ACTN3: variants seen among roughly 807,000 people sequenced by gnomAD.
ACTN3 encodes actinin alpha 3, also known as alpha-actinin-3.
A neutral mutation model predicts 119.6 loss-of-function variants in ACTN3; 91 were observed. The ratio of observed to expected loss-of-function variants is 0.76; its 90% CI spans 0.64 to 0.91. The LOEUF is 0.91. Ranked by LOEUF, ACTN3 falls within the 40% of genes least tolerant of loss-of-function variation. The probability of loss-of-function intolerance (pLI) is 0.00; values close to 1 mark genes in which losing one functional copy is unlikely to be tolerated. For synonymous variants in ACTN3, 456 were observed against 478.8 expected, an observed-to-expected ratio of 0.95 and a Z score of 0.62; for missense variants, 1,221 against 1,215.1, an observed-to-expected ratio of 1.00 and a Z score of -0.07.
Position 66,559,355 on chromosome 11 carries a change from G to A in ACTN3, c.1396G>A (p.Glu466Lys). ...CCTGGCGGCGCACCAGGACCGCGTG[G>A]AGCACATTGCCGCGCTGGCCCAGGA... ...SDLAAHQDRV[E>K]HIAALAQELN... Residue 466 changes from glutamate to lysine, a missense_variant, in exon 12 of 21, where the codon GAG becomes AAG. Physicochemically the swap from Glu to Lys is moderately conservative, Grantham distance 56 (BLOSUM62 1). Transcript: ENST00000513398. 6.4e-7 allele frequency: 1 copy of A among 1,566,084 alleles called. No homozygotes were observed. Among genetic ancestry groups the A allele is most frequent in the Non-Finnish European group, 8.6e-7 (1 of 1,160,458 alleles).
Position 66,558,525 on chromosome 11 carries a change from G to A in ACTN3, c.1276+351G>A, listed in dbSNP as rs1044504050. Among the ~76,000 whole-genome samples, 8 of 152,134 alleles carry A rather than the reference G, an allele frequency of 5.3e-5. No individual in the cohort carries two copies. The East Asian group carries it at 7.7e-4, about 15-fold the overall frequency. On this transcript the variant is annotated intron_variant, in intron 11 of 20. Coordinates refer to ENST00000513398, the MANE Select transcript of ACTN3 (RefSeq NM_001104.4). ...TGGGACCACAGGCGTGCACCACCACGCCCAGTAACTTTTTGTACTTTTTGT... is the reference window on the plus strand; with the variant it reads ...TGGGACCACAGGCGTGCACCACCACACCCAGTAACTTTTTGTACTTTTTGT...
Position 66,562,853 on chromosome 11 carries a change from G to T in ACTN3, c.2446G>T (p.Val816Leu). The change falls in exon 20 of 21, where the codon GTG becomes TTG. Residue 816 changes from valine (V) to leucine (L), a missense_variant. Physicochemically the swap from Val to Leu is conservative, Grantham distance 32. This residue lies in a region of ACTN3 where 934 missense variants were observed against 899.9 expected (regional missense o/e 1.04). Transcript: ENST00000513398. ...GGTGGACCCCAACGCAGCTGGGGTG[G>T]TGACCTTCCAGGCCTTCATAGACTT... ...TMVDPNAAGVVTFQAFIDFMT... is the reference protein window; with the variant it reads ...TMVDPNAAGVLTFQAFIDFMT... The T allele has an allele frequency of 6.2e-7, 1 of 1,613,864 alleles. No homozygotes were observed.
upstream of ACTN3, chr11:66,546,886 CCCGGGTGT>C: frequency 1.3e-6 from 2 of 1,513,646 alleles, no homozygotes; most frequent in Non-Finnish European, 1.8e-6. Flanking sequence ...CTTAATGGGG[CCCGGGTGT>C]CCGAGAGCGT....
At position 66,551,546 on chromosome 11, in the gene ACTN3, C is replaced by A. The variant is rs1407865191; in HGVS notation, c.281C>A (p.Pro94Gln). The change falls in exon 3 of 21, where the codon CCA becomes CAA. Residue 94 changes from proline (P) to glutamine (Q), a missense_variant. Pro to Gln is a moderately conservative substitution (Grantham distance 76). Transcript: ENST00000513398. Reference protein sequence around the residue: ...EVISGERLPRPDKGKMRFHKI... With the variant: ...EVISGERLPRQDKGKMRFHKI... ...AACCCAGGTGAGAGGCTGCCTAGGC[C>A]AGATAAAGGCAAGATGCGCTTCCAC... 6.2e-7 allele frequency: 1 copy of A among 1,613,974 alleles called. No homozygotes were observed. The highest frequency in any genetic ancestry group is 1.1e-5 in the South Asian group (1 of 91,052).
upstream of ACTN3, chr11:66,546,725 C>T (rs763277506): frequency 7.2e-5 from 111 of 1,535,360 alleles, no homozygotes; most frequent in South Asian, 6.8e-4. Context: ...ATCTCCGCCG[C>T]GAGATCCACC....
chr11:66,562,887 G>A lies in ACTN3; in HGVS notation c.2480G>A (p.Arg827Gln), dbSNP rs796903074. Residue 827 changes from arginine (R) to glutamine (Q), a missense_variant, in exon 20 of 21, where the codon CGA (arginine) becomes CAA (glutamine). By Grantham distance (43) the Arg-to-Gln change is conservative. Coordinates refer to ENST00000513398, the MANE Select transcript of ACTN3 (RefSeq NM_001104.4). ...CAGGCCTTCATAGACTTCATGACCC[G>A]AGAGACAGCCGAGACTGACACGACT... ...TFQAFIDFMTRETAETDTTEQ... is the reference protein window; with the variant it reads ...TFQAFIDFMTQETAETDTTEQ... 9 of 1,613,788 alleles carry A rather than the reference G, an allele frequency of 5.6e-6. No homozygotes were observed. The highest frequency in any genetic ancestry group is 1.1e-5 in the South Asian group (1 of 91,074).
chr11:66,551,187 C>T lies in ACTN3; in HGVS notation c.148-52C>T, dbSNP rs564702429. 74 of 1,349,764 alleles carry T rather than the reference C, an allele frequency of 5.5e-5. 2 individuals carry two copies. In the South Asian group the frequency reaches 8.9e-4, roughly 16 times the overall value. 83.6% of individuals were successfully genotyped at this position (1,349,764 alleles called of 1,614,324 possible). A position where few individuals can be genotyped will look rare whatever the true frequency, so the allele number is the denominator to read the frequency against. On this transcript the variant is annotated intron_variant, in intron 1 of 20. Coordinates refer to ENST00000513398, the MANE Select transcript of ACTN3 (RefSeq NM_001104.4). ...CTGACTGAGGAGACAGGACTGTGCC[C>T]TACATCCCCCAGAGCCAGTCGTAGG...
intron 3 of ACTN3, among the ~76,000 whole-genome samples, 192 bp from the exon 4 acceptor site, chr11:66,553,853 C>CA (rs11448724): frequency 0.34 from 27,973 of 81,166 alleles, 3,748 homozygotes; most frequent in Middle Eastern, 0.43. Flanking sequence ...GACTCCATCT[C>CA]AAAAAAAAAA....
rs1219696410 is a variant in ACTN3, at chr11:66,561,103, C to T, written c.1861-124C>T. On this transcript the variant is annotated intron_variant, in intron 15 of 20. Coordinates refer to ENST00000513398, the MANE Select transcript of ACTN3 (RefSeq NM_001104.4). ...TTAGTGACTTGCCCAAGAGCTTTCT[C>T]GTATATCCCAGACAAGTTGGCTCAA... 8 of 1,329,850 alleles carry T rather than the reference C, an allele frequency of 6.0e-6. No homozygotes were observed. In the African/African-American group the frequency reaches 8.9e-5, roughly 15 times the overall value. 82.4% of individuals were successfully genotyped at this position (1,329,850 alleles called of 1,614,324 possible).
At chr11:66,555,032 A>T in intron 5 of ACTN3, 98 bp from the exon 6 acceptor site, 1 of 1,075,370 alleles carries the variant, frequency 9.3e-7, no homozygotes, top group Non-Finnish European at 1.4e-6. Context: ...ACTCCATTTT[A>T]CAGATGAGGC....
chr11:66,549,158 G>A (rs957599071), intron 1 of ACTN3, among the ~76,000 whole-genome samples: 8 of 152,176 alleles, frequency 5.3e-5, no homozygotes, highest in Non-Finnish European at 2.9e-5. Flanking sequence ...GCAGTGCCCA[G>A]ATCCTTGTAG....
Position 66,562,240 on chromosome 11 carries a change from C to T in ACTN3, c.2323-17C>T. 6.2e-7 allele frequency: 1 copy of T among 1,613,822 alleles called. No individual in the cohort carries two copies. ...GGAGGCTGGAGACCAAGCCTGATAA[C>T]CACTCACCCCCTACAGAAGCAGAAT... is the stretch of plus-strand genomic sequence containing the variant. On this transcript the variant is annotated splice_polypyrimidine_tract_variant and intron_variant, in intron 18 of 20. Transcript: ENST00000513398.
chr11:66,550,266 C>A (rs1439085733), intron 1 of ACTN3, among the ~76,000 whole-genome samples: 1 of 152,196 alleles, frequency 6.6e-6, no homozygotes, highest in Non-Finnish European at 1.5e-5. Flanking sequence ...TTGGAGCCCA[C>A]CCTGACTCTA....
intron 1 of ACTN3, among the ~76,000 whole-genome samples, chr11:66,549,829 G>C (rs553598997): frequency 6.6e-6 from 1 of 151,404 alleles, no homozygotes; most frequent in Non-Finnish European, 1.5e-5. Flanking sequence ...TAGACTCCAG[G>C]GTTGGAGGGA....
chr11:66,559,084 T>C, intron 11 of ACTN3, 152 bp from the exon 12 acceptor site: 1 of 765,030 alleles, frequency 1.3e-6, no homozygotes, highest in Non-Finnish European at 1.9e-6. Flanking sequence ...TTCACCTACG[T>C]TATTACACCG....
At chr11:66,555,472 C>T in intron 7 of ACTN3, 105 bp downstream of exon 7, 6 of 1,087,046 alleles carry the variant, frequency 5.5e-6, no homozygotes, top group Non-Finnish European at 8.2e-6. Context: ...GATGCTCCGA[C>T]CACCCCCACC....
At chr11:66,550,279 A>G (rs560089742) in intron 1 of ACTN3, among the ~76,000 whole-genome samples, 1 of 152,246 alleles carries the variant, frequency 6.6e-6, no homozygotes, top group African/African-American at 2.4e-5. Flanking sequence ...TGACTCTACC[A>G]AGTAGTCTAT....
chr11:66,547,393 TA>T (rs1210280277), intron 1 of ACTN3, among the ~76,000 whole-genome samples: 2 of 150,750 alleles, frequency 1.3e-5, no homozygotes, highest in African/African-American at 5.0e-5. Flanking sequence ...AGATCCAAGT[TA>T]GGGGGGGTTC....
In ACTN3 at chr11:66,558,022, C is replaced by T; in HGVS notation, c.1129-5C>T. 3 of 1,613,842 alleles carry T rather than the reference C, an allele frequency of 1.9e-6. No homozygotes were observed. Among genetic ancestry groups the T allele is most frequent in the Non-Finnish European group, 2.5e-6 (3 of 1,179,850 alleles). On this transcript the variant is annotated splice_region_variant and splice_polypyrimidine_tract_variant and intron_variant, in intron 10 of 20. Coordinates refer to ENST00000513398, the MANE Select transcript of ACTN3 (RefSeq NM_001104.4). ...TGATGGAGCGCACCCCTGCCTGCTC[C>T]ACAGGACATCGCCAACGCCTGGCGG...
Sources: allele counts gnomAD v4.1 joint callset (sites outside exome capture counted in the v4.1 genomes callset), GRCh38; gene constraint gnomAD v4.1.1; regional missense constraint gnomAD v4.1.1; transcripts MANE v1.5; gene names NCBI Gene and HGNC (gene_info 2026-07-23, HGNC 2026-07-21).